The following RSRC1 variants were observed in gnomAD, a reference collection of about 807,000 sequenced individuals.
RSRC1 encodes the protein arginine and serine rich coiled-coil 1, also known as serine/Arginine-related protein 53.
A neutral mutation model predicts 49.1 loss-of-function variants in RSRC1; 39 were observed. That is an observed-to-expected ratio of 0.79 (90% CI 0.61 to 1.04). RSRC1 has a LOEUF of 1.04. Ranked by LOEUF, RSRC1 falls within the 50% of genes least tolerant of loss-of-function variation. RSRC1 has a pLI of 0.00. For missense variants in RSRC1, 388 were observed against 402.4 expected, an observed-to-expected ratio of 0.96 and a Z score of 0.31; for synonymous variants, 143 against 130.8, an observed-to-expected ratio of 1.09 and a Z score of -0.63.
At chr3:158,181,453 C>G (rs932659047) in intron 3 of RSRC1, among the ~76,000 whole-genome samples, 1 of 152,006 alleles carries the variant, frequency 6.6e-6, no homozygotes, top group Non-Finnish European at 1.5e-5. Flanking sequence ...AAATTATGAC[C>G]CTTTGTGGAC....
intron 3 of RSRC1, among the ~76,000 whole-genome samples, chr3:158,177,835 T>C (rs1719324887): frequency 6.6e-6 from 1 of 152,178 alleles, no homozygotes; most frequent in African/African-American, 2.4e-5. Context: ...TATAACTTTA[T>C]ATCAATATTT....
At chr3:158,492,156 A>G (rs987871402) in intron 7 of RSRC1, among the ~76,000 whole-genome samples, 5 of 152,170 alleles carry the variant, frequency 3.3e-5, no homozygotes, top group Non-Finnish European at 7.3e-5. Flanking sequence ...CTTTTAAACC[A>G]TCAGATCTCA....
chr3:158,426,272 T>C (rs1033658127), intron 6 of RSRC1, among the ~76,000 whole-genome samples: 1 of 151,570 alleles, frequency 6.6e-6, no homozygotes, highest in Non-Finnish European at 1.5e-5. Context: ...TCAAAAGATA[T>C]AACACATACT....
intron 3 of RSRC1, among the ~76,000 whole-genome samples, chr3:158,192,436 T>G (rs924593592): frequency 1.3e-5 from 2 of 152,084 alleles, no homozygotes; most frequent in Non-Finnish European, 2.9e-5. Flanking sequence ...AGTAGAGTCC[T>G]TGTGTTAGGG....
intron 3 of RSRC1, among the ~76,000 whole-genome samples, chr3:158,187,009 G>A (rs1578176396): frequency 6.6e-6 from 1 of 151,936 alleles, no homozygotes; most frequent in East Asian, 1.9e-4. Context: ...ATTTGAAAAT[G>A]ATACGGCCAT....
At chr3:158,335,219 A>C (rs1559998633) in intron 5 of RSRC1, among the ~76,000 whole-genome samples, 1 of 152,178 alleles carries the variant, frequency 6.6e-6, no homozygotes, top group African/African-American at 2.4e-5. Flanking sequence ...TGTGAAGCAG[A>C]CCATACTGTA....
At chr3:158,265,488 G>A (rs115493981) in intron 4 of RSRC1, among the ~76,000 whole-genome samples, 3,279 of 152,042 alleles carry the variant, frequency 0.022, 60 homozygotes, top group Admixed American at 0.079. Context: ...AAAATTAGCC[G>A]GGCGTGGTAA....
At chr3:158,517,755 ATTTTTTTTTTTTTTT>A (rs766129663) in intron 7 of RSRC1, among the ~76,000 whole-genome samples, 847 of 35,086 alleles carry the variant, frequency 0.024, 5 homozygotes, top group African/African-American at 0.066. Context: ...CACCCAGCTA[ATTTTTTTTTTTTTTT>A]TTTTTTTTTT....
intron 6 of RSRC1, among the ~76,000 whole-genome samples, chr3:158,448,483 G>C (rs1374922658): frequency 6.6e-6 from 1 of 151,862 alleles, no homozygotes; most frequent in Non-Finnish European, 1.5e-5. Context: ...ACAAAAGGCT[G>C]TAAGACCTTA....
intron 3 of RSRC1, among the ~76,000 whole-genome samples, chr3:158,201,595 C>T (rs777903042): frequency 3.1e-4 from 47 of 152,224 alleles, no homozygotes; most frequent in Admixed American, 9.8e-4. Flanking sequence ...GATTTATTTG[C>T]ATGTATACAG....
At chr3:158,267,479 C>T (rs1725254734) in intron 4 of RSRC1, among the ~76,000 whole-genome samples, 1 of 152,030 alleles carries the variant, frequency 6.6e-6, no homozygotes, top group South Asian at 2.1e-4. Context: ...GGACCTTACA[C>T]ATATGTTGGA....
At chr3:158,271,980 T>G (rs939379890) in intron 4 of RSRC1, among the ~76,000 whole-genome samples, 19 of 152,186 alleles carry the variant, frequency 1.2e-4, no homozygotes, top group Non-Finnish European at 4.4e-5. Flanking sequence ...TTGTTTAATG[T>G]GCATTGATAA....
chr3:158,147,515 C>CT (rs538854613), intron 3 of RSRC1, among the ~76,000 whole-genome samples: 88,465 of 149,860 alleles, frequency 0.59, 26,164 homozygotes, highest in East Asian at 0.7. Flanking sequence ...AATAAATTTT[C>CT]TTTTTTTTTT....
chr3:158,372,268 A>G (rs750495684), intron 6 of RSRC1, among the ~76,000 whole-genome samples: 13 of 151,830 alleles, frequency 8.6e-5, no homozygotes, highest in Non-Finnish European at 1.5e-4. Context: ...GCTTGCTTCT[A>G]TGTTTTCTTC....
chr3:158,121,989 A>AG (rs1412622062), intron 1 of RSRC1, 114 bp from the exon 2 acceptor site: 1 of 576,506 alleles, frequency 1.7e-6, no homozygotes, highest in Non-Finnish European at 2.7e-6. Context: ...TGGGATACAG[A>AG]GGGAGACCCC....
At chr3:158,129,542 T>A (rs112339411) in intron 3 of RSRC1, among the ~76,000 whole-genome samples, 4,480 of 152,048 alleles carry the variant, frequency 0.029, 230 homozygotes, top group African/African-American at 0.1. Flanking sequence ...CCGCCCGCCT[T>A]GGCCTCCCAG....
intron 5 of RSRC1, among the ~76,000 whole-genome samples, chr3:158,327,229 C>T (rs184509405): frequency 6.6e-6 from 1 of 152,086 alleles, no homozygotes; most frequent in African/African-American, 2.4e-5. Flanking sequence ...GTGTCTCTAT[C>T]TCCTTCAGTT....
At chr3:158,363,762 C>T (rs1310834737) in intron 6 of RSRC1, among the ~76,000 whole-genome samples, 1 of 152,138 alleles carries the variant, frequency 6.6e-6, no homozygotes, top group East Asian at 1.9e-4. Flanking sequence ...GGGATTAAAG[C>T]ATCATTTAGG....
chr3:158,207,313 T>C (rs574459094), intron 4 of RSRC1, among the ~76,000 whole-genome samples: 6 of 152,294 alleles, frequency 3.9e-5, no homozygotes, highest in Non-Finnish European at 7.4e-5. Flanking sequence ...GATTGATCCC[T>C]TCTTTTCTCC....
Sources: allele counts gnomAD v4.1 joint callset (sites outside exome capture counted in the v4.1 genomes callset), GRCh38; gene constraint gnomAD v4.1.1; transcripts MANE v1.5; gene names NCBI Gene and HGNC (gene_info 2026-07-23, HGNC 2026-07-21).